The following PTPRD variants were observed in gnomAD, a reference collection of about 807,000 sequenced individuals.
PTPRD encodes protein tyrosine phosphatase receptor type D, also known as receptor-type tyrosine-protein phosphatase delta.
Under a neutral mutation model 214.5 loss-of-function variants are expected in PTPRD, and 34 were observed. The observed-to-expected ratio is 0.16, with a 90% CI of 0.12 to 0.21. PTPRD has a LOEUF of 0.21. Ranked by LOEUF, PTPRD falls within the 10% of genes least tolerant of loss-of-function variation. The pLI is 1.00. For synonymous variants in PTPRD, 1,128 were observed against 845.7 expected, an observed-to-expected ratio of 1.33 and a Z score of -5.79; for missense variants, 2,545 against 2,398.7, an observed-to-expected ratio of 1.06 and a Z score of -1.27.
At chr9:8,432,726 G>C (rs1432036093) in intron 35 of PTPRD, among the ~76,000 whole-genome samples, 1 of 152,100 alleles carries the variant, frequency 6.6e-6, no homozygotes, top group Non-Finnish European at 1.5e-5. Flanking sequence ...TTTTTATGTT[G>C]AGGTCTTAAT....
intron 39 of PTPRD, among the ~76,000 whole-genome samples, chr9:8,373,208 C>G (rs2082068379): frequency 6.6e-6 from 1 of 151,956 alleles, no homozygotes; most frequent in African/African-American, 2.4e-5. Context: ...TAATCTGCTG[C>G]TTTGTCACAA....
chr9:9,011,488 T>C (rs1271827539), intron 11 of PTPRD, among the ~76,000 whole-genome samples: 3 of 152,086 alleles, frequency 2.0e-5, no homozygotes, highest in Admixed American at 1.3e-4. Flanking sequence ...AAGTGAGGTG[T>C]ACATTAAGAA....
chr9:9,152,917 A>G (rs564035338), intron 10 of PTPRD, among the ~76,000 whole-genome samples: 3 of 152,290 alleles, frequency 2.0e-5, no homozygotes, highest in South Asian at 2.1e-4. Flanking sequence ...AATCAAATGT[A>G]TCTTTCTTTG....
At chr9:9,739,257 T>A (rs1287355482) in intron 6 of PTPRD, among the ~76,000 whole-genome samples, 3 of 152,210 alleles carry the variant, frequency 2.0e-5, no homozygotes, top group African/African-American at 7.2e-5. Context: ...CTTGTCTTTA[T>A]CTCAAAAGGA....
At chr9:9,204,612 T>G (rs1237198397) in intron 9 of PTPRD, among the ~76,000 whole-genome samples, 1 of 152,178 alleles carries the variant, frequency 6.6e-6, no homozygotes, top group African/African-American at 2.4e-5. Context: ...ATGTTTACAT[T>G]GCATTTATGT....
intron 3 of PTPRD, among the ~76,000 whole-genome samples, chr9:10,043,042 T>C (rs1029023279): frequency 2.0e-5 from 3 of 151,912 alleles, no homozygotes; most frequent in Non-Finnish European, 4.4e-5. Context: ...TAGTCATTCA[T>C]TGGATATTTC....
chr9:9,189,659 T>C (rs2099933887), intron 9 of PTPRD, among the ~76,000 whole-genome samples: 1 of 152,146 alleles, frequency 6.6e-6, no homozygotes, highest in East Asian at 1.9e-4. Context: ...GAACTGCTTT[T>C]ATTTTTTTCT....
At chr9:10,059,178 C>G (rs1234836689) in intron 3 of PTPRD, among the ~76,000 whole-genome samples, 1 of 151,982 alleles carries the variant, frequency 6.6e-6, no homozygotes, top group Non-Finnish European at 1.5e-5. Flanking sequence ...TATTTTAGTG[C>G]CAGCTGAGTC....
chr9:8,700,051 G>A (rs1459616415), intron 12 of PTPRD, among the ~76,000 whole-genome samples: 1 of 152,122 alleles, frequency 6.6e-6, no homozygotes. Flanking sequence ...TCTGAACAGT[G>A]GTACAACTGC....
At chr9:9,043,415 G>A (rs1169435938) in intron 10 of PTPRD, among the ~76,000 whole-genome samples, 1 of 152,064 alleles carries the variant, frequency 6.6e-6, no homozygotes, top group Non-Finnish European at 1.5e-5. Context: ...TTCAATATTT[G>A]TCTAGTATTT....
At chr9:8,759,796 A>G (rs1208890560) in intron 11 of PTPRD, among the ~76,000 whole-genome samples, 3 of 152,132 alleles carry the variant, frequency 2.0e-5, no homozygotes, top group Non-Finnish European at 4.4e-5. Context: ...AATAAATCCT[A>G]TTGAGAAAAG....
chr9:9,416,248 A>C (rs907341328), intron 8 of PTPRD, among the ~76,000 whole-genome samples: 1 of 152,160 alleles, frequency 6.6e-6, no homozygotes, highest in Non-Finnish European at 1.5e-5. Context: ...TAGAGAACTC[A>C]TTCTAAAATG....
intron 14 of PTPRD, among the ~76,000 whole-genome samples, chr9:8,567,832 C>G (rs546103025): frequency 6.6e-6 from 1 of 152,244 alleles, no homozygotes; most frequent in African/African-American, 2.4e-5. Context: ...TACATTTATT[C>G]ATGGAATCAG....
At chr9:8,429,526 A>T (rs1224823020) in intron 35 of PTPRD, among the ~76,000 whole-genome samples, 1 of 152,124 alleles carries the variant, frequency 6.6e-6, no homozygotes, top group Non-Finnish European at 1.5e-5. Context: ...TGTCTTACTG[A>T]GTGATGGGAA....
intron 8 of PTPRD, among the ~76,000 whole-genome samples, chr9:9,456,084 T>G (rs1181463359): frequency 1.3e-5 from 2 of 151,856 alleles, no homozygotes; most frequent in Admixed American, 1.3e-4. Flanking sequence ...ATATAACACT[T>G]TTTCCAATAA....
intron 9 of PTPRD, among the ~76,000 whole-genome samples, chr9:9,230,955 G>C (rs1300748707): frequency 6.6e-6 from 1 of 152,010 alleles, no homozygotes; most frequent in Non-Finnish European, 1.5e-5. Context: ...TCCAGAACGT[G>C]AATACTTCAA....
chr9:8,539,117 G>C (rs991672442), intron 14 of PTPRD, among the ~76,000 whole-genome samples: 3 of 151,908 alleles, frequency 2.0e-5, no homozygotes, highest in African/African-American at 7.3e-5. Flanking sequence ...AAAAAAGACA[G>C]TATTAACAAG....
intron 8 of PTPRD, among the ~76,000 whole-genome samples, chr9:9,439,484 C>T (rs1357828752): frequency 3.9e-5 from 6 of 152,124 alleles, no homozygotes. Context: ...TTACTCTGAA[C>T]AACCTGCTGC....
chr9:10,595,949 C>T (rs2076536845), intron 2 of PTPRD, among the ~76,000 whole-genome samples: 3 of 151,728 alleles, frequency 2.0e-5, no homozygotes, highest in South Asian at 2.1e-4. Context: ...ATTGCCTCCA[C>T]CCTTTAATCG....
Sources: gnomAD v4.1 joint callset for allele counts (sites outside exome capture counted in the v4.1 genomes callset) on GRCh38, gnomAD v4.1.1 for gene constraint, MANE v1.5 for transcripts, NCBI Gene and HGNC (gene_info 2026-07-23, HGNC 2026-07-21) for gene names.